Variants in SYT14 observed in about 807,000 individuals in gnomAD.
SYT14 encodes the protein synaptotagmin 14.
SYT14 carries 32 observed loss-of-function variants against 74.2 expected under a neutral mutation model. The ratio of observed to expected loss-of-function variants is 0.43; its 90% CI spans 0.33 to 0.58. The LOEUF (loss-of-function observed/expected upper bound fraction) is 0.58, where lower values mean the gene tolerates loss of function less well. Among genes scored for constraint, SYT14 ranks in the 20% least tolerant of loss-of-function variants. The probability of loss-of-function intolerance (pLI) is 0.05; values close to 1 mark genes in which losing one functional copy is unlikely to be tolerated. For missense variants in SYT14, 791 were observed against 981.8 expected (o/e 0.81, Z 2.60); for synonymous variants, 298 against 337.7 (o/e 0.88, Z 1.29).
chr1:210,015,929 C>G (rs2080174130), exon 4 of SYT14: 1 of 1,230,128 alleles, frequency 8.1e-7, no homozygotes, highest in Non-Finnish European at 1.0e-6. Context: ...ATGTTAAATT[C>G]AAGTTCCAAA....
chr1:210,068,796 TA>T (rs1024951889), intron 5 of SYT14, among the ~76,000 whole-genome samples: 31 of 151,840 alleles, frequency 2.0e-4, no homozygotes, highest in Admixed American at 5.9e-4. Context: ...ATTGGTTTTT[TA>T]AAAATTTTAT....
intron 2 of SYT14, among the ~76,000 whole-genome samples, chr1:210,009,903 C>G (rs1224826431): frequency 1.3e-5 from 2 of 152,100 alleles, no homozygotes; most frequent in Non-Finnish European, 2.9e-5. Flanking sequence ...AAACTAGAAA[C>G]TTTAGAATTA....
At chr1:209,965,017 T>C (rs1417384556) in intron 2 of SYT14, among the ~76,000 whole-genome samples, 2 of 152,170 alleles carry the variant, frequency 1.3e-5, no homozygotes, top group African/African-American at 4.8e-5. Flanking sequence ...TCTGCTATGT[T>C]CACTTTTTTT....
intron 1 of SYT14, among the ~76,000 whole-genome samples, chr1:209,950,181 G>A (rs4844923): frequency 0.05 from 7,606 of 152,136 alleles, 1,030 homozygotes; most frequent in East Asian, 0.41. Flanking sequence ...GCCTTTTTAC[G>A]TGATTTAACT....
chr1:210,143,921 A>T (rs1445589668), intron 7 of SYT14, among the ~76,000 whole-genome samples: 1 of 152,150 alleles, frequency 6.6e-6, no homozygotes, highest in Non-Finnish European at 1.5e-5. Context: ...TGAACAAAAA[A>T]TTGAGAATAA....
At position 210,052,284 on chromosome 1, in the gene SYT14, GA is replaced by G. The variant is rs2081011463; in HGVS notation, c.1312+31031del. On this transcript the variant is annotated intron_variant, in intron 5 of 9. Coordinates refer to ENST00000637265, the Ensembl canonical transcript of SYT14. ...CGCCCAGGCTGGAGTGCAGTGGCGC[GA>G]TCTCGGCTCACTGCAAGCTCCGCCT... Among the ~76,000 whole-genome samples, 3 of 150,952 alleles carry G rather than the reference GA, an allele frequency of 2.0e-5. No individual in the cohort carries two copies. In the South Asian group the frequency reaches 6.3e-4, roughly 32 times the overall value.
At chr1:209,957,608 G>A (rs1045870063) in intron 2 of SYT14, among the ~76,000 whole-genome samples, 2 of 151,868 alleles carry the variant, frequency 1.3e-5, no homozygotes, top group Admixed American at 1.3e-4. Flanking sequence ...TGTATTTTTA[G>A]TAGAGACTGG....
intron 2 of SYT14, among the ~76,000 whole-genome samples, chr1:209,984,567 G>C (rs2079540924): frequency 6.6e-6 from 1 of 151,710 alleles, no homozygotes; most frequent in African/African-American, 2.4e-5. Flanking sequence ...TGTATATCTG[G>C]GTTTCCATCT....
At chr1:210,022,851 C>T (rs1047604305) in intron 5 of SYT14, among the ~76,000 whole-genome samples, 1 of 152,110 alleles carries the variant, frequency 6.6e-6, no homozygotes, top group African/African-American at 2.4e-5. Flanking sequence ...CTATTCATTT[C>T]TCTTTCCTCT....
chr1:209,964,420 CT>C (rs1326535915), intron 2 of SYT14, among the ~76,000 whole-genome samples: 3 of 151,874 alleles, frequency 2.0e-5, no homozygotes, highest in African/African-American at 7.3e-5. Context: ...TTTTTTCTTT[CT>C]ATTCATCTAT....
intron 5 of SYT14, among the ~76,000 whole-genome samples, chr1:210,075,584 C>T (rs957758011): frequency 2.5e-5 from 3 of 121,382 alleles, no homozygotes; most frequent in African/African-American, 7.6e-5. Flanking sequence ...CCGCCTGCCT[C>T]GGCCTCCCAA....
chr1:210,106,445 G>C (rs933074732), intron 7 of SYT14, among the ~76,000 whole-genome samples: 2 of 152,104 alleles, frequency 1.3e-5, no homozygotes, highest in Non-Finnish European at 2.9e-5. Flanking sequence ...CCCAAGCCTG[G>C]GTAATTTATA....
chr1:210,073,608 T>C (rs1432128821), intron 5 of SYT14, among the ~76,000 whole-genome samples: 1 of 152,070 alleles, frequency 6.6e-6, no homozygotes, highest in Non-Finnish European at 1.5e-5. Context: ...TGATATATAC[T>C]CCCCAACAAA....
chr1:210,099,958 G>A, intron 6 of SYT14, 54 bp from the exon 6 acceptor site: 1 of 1,467,034 alleles, frequency 6.8e-7, no homozygotes, highest in East Asian at 2.3e-5. Context: ...TTATTTACAT[G>A]CTAGGTTAAA....
At chr1:209,940,228 T>C (rs898487461) in intron 1 of SYT14, among the ~76,000 whole-genome samples, 1 of 152,220 alleles carries the variant, frequency 6.6e-6, no homozygotes, top group Non-Finnish European at 1.5e-5. Context: ...GGCTGTGTTA[T>C]GAAGTAGAAT....
At chr1:210,121,597 A>G (rs1025681808) in intron 7 of SYT14, among the ~76,000 whole-genome samples, 7 of 152,132 alleles carry the variant, frequency 4.6e-5, no homozygotes, top group Non-Finnish European at 8.8e-5. Context: ...GATTGAGACC[A>G]TCCTGGCTAA....
At chr1:210,094,510 A>G (rs760942701) in exon 6 of SYT14, 1 of 1,613,910 alleles carries the variant, frequency 6.2e-7, no homozygotes, top group South Asian at 1.1e-5. Flanking sequence ...TGAAGGAAGC[A>G]CAGGTCATGA....
intron 7 of SYT14, among the ~76,000 whole-genome samples, chr1:210,119,508 C>T (rs184383827): frequency 1.3e-4 from 20 of 152,216 alleles, no homozygotes; most frequent in South Asian, 2.1e-4. Flanking sequence ...CTCATAATCA[C>T]ATTTGTGCTG....
At chr1:210,147,229 A>G (rs2083059501) in intron 7 of SYT14, among the ~76,000 whole-genome samples, 1 of 152,142 alleles carries the variant, frequency 6.6e-6, no homozygotes, top group African/African-American at 2.4e-5. Context: ...GGCCATATTG[A>G]ACTTCTAGAA....
Sources: gnomAD v4.1 joint callset for allele counts (sites outside exome capture counted in the v4.1 genomes callset) on GRCh38, gnomAD v4.1.1 for gene constraint, MANE v1.5 for transcripts, NCBI Gene and HGNC (gene_info 2026-07-23, HGNC 2026-07-21) for gene names.